Variants in TMEM217 observed in about 807,000 individuals in gnomAD.
TMEM217 encodes the protein transmembrane protein 217, also known as chromosome 6 open reading frame 128.
For missense variants in TMEM217, 204 were observed against 248.8 expected (o/e 0.82, Z 1.21); for synonymous variants, 76 against 88.3 (o/e 0.86, Z 0.78).
intron 1 of TMEM217, among the ~76,000 whole-genome samples, chr6:37,239,637 A>G (rs1039770280): frequency 2.6e-5 from 4 of 152,192 alleles, no homozygotes; most frequent in African/African-American, 9.6e-5. Context: ...CAATCATGGT[A>G]AGAACTTTTT....
intron 1 of TMEM217, among the ~76,000 whole-genome samples, chr6:37,239,776 A>G (rs1764672318): frequency 1.3e-5 from 2 of 152,014 alleles, no homozygotes; most frequent in Admixed American, 1.3e-4. Context: ...ACACATTATA[A>G]AGCTTTAGAG....
exon 4 of TMEM217, chr6:37,212,184 G>A: frequency 6.7e-6 from 2 of 300,088 alleles, no homozygotes; most frequent in South Asian, 5.9e-5. Flanking sequence ...CCAGTGAGAT[G>A]GTTAAGTAAG....
chr6:37,215,094 T>A (rs1474994688), downstream of TMEM217: 1 of 1,483,440 alleles, frequency 6.7e-7, no homozygotes, highest in Non-Finnish European at 9.1e-7. Flanking sequence ...AGCCTTGGTC[T>A]CCACCCTCGG....
At chr6:37,229,345 T>TTG (rs1764050313) in intron 1 of TMEM217, among the ~76,000 whole-genome samples, 3 of 128,698 alleles carry the variant, frequency 2.3e-5, no homozygotes, top group Non-Finnish European at 4.9e-5. Context: ...GTTTTTTTTT[T>TTG]TTTTTTTTTT....
At chr6:37,253,552 G>T (rs1203845484) in intron 1 of TMEM217, among the ~76,000 whole-genome samples, 1 of 152,072 alleles carries the variant, frequency 6.6e-6, no homozygotes. Flanking sequence ...ATACTATAAA[G>T]CTCTCTTGCT....
exon 1 of TMEM217, chr6:37,257,730 C>T (rs575423170): frequency 1.6e-4 from 99 of 606,804 alleles, no homozygotes; most frequent in Non-Finnish European, 2.4e-4. Context: ...CCACGGCTTG[C>T]GCAGCTCACC....
At chr6:37,218,242 T>A (rs1763326737) in exon 2 of TMEM217, 1 of 1,316,018 alleles carries the variant, frequency 7.6e-7, no homozygotes, top group Non-Finnish European at 9.9e-7. Context: ...CAATCTCGGC[T>A]CACTGCAACC....
chr6:37,216,375 G>A (rs1443785475), downstream of TMEM217, among the ~76,000 whole-genome samples: 2 of 152,158 alleles, frequency 1.3e-5, no homozygotes, highest in East Asian at 1.9e-4. Context: ...CCCTGCGCCT[G>A]GCCCGATTTG....
chr6:37,226,518 C>T (rs188956325), intron 1 of TMEM217, among the ~76,000 whole-genome samples: 3 of 151,386 alleles, frequency 2.0e-5, no homozygotes, highest in Admixed American at 6.6e-5. Flanking sequence ...AGGATGGTCT[C>T]GATCTCCTGA....
chr6:37,231,266 C>T (rs1029051345), intron 1 of TMEM217, among the ~76,000 whole-genome samples: 1 of 130,516 alleles, frequency 7.7e-6, no homozygotes, highest in Non-Finnish European at 1.6e-5. Flanking sequence ...AACGGGCTTT[C>T]ACCACGTTGG....
chr6:37,253,997 A>AG (rs1479041927), intron 1 of TMEM217, among the ~76,000 whole-genome samples: 4 of 152,114 alleles, frequency 2.6e-5, no homozygotes, highest in African/African-American at 9.7e-5. Flanking sequence ...GATGAAGTTG[A>AG]GGGGGGGAAA....
chr6:37,250,538 T>C (rs1765343178), intron 1 of TMEM217, among the ~76,000 whole-genome samples: 1 of 152,250 alleles, frequency 6.6e-6, no homozygotes, highest in African/African-American at 2.4e-5. Flanking sequence ...CAACATTTAG[T>C]AAAGTGGAAG....
At chr6:37,220,907 A>G (rs1328201472) in intron 1 of TMEM217, among the ~76,000 whole-genome samples, 1 of 152,102 alleles carries the variant, frequency 6.6e-6, no homozygotes, top group South Asian at 2.1e-4. Context: ...TTTTACTTTT[A>G]TTATAGTATA....
chr6:37,212,868 A>G, downstream of TMEM217: 1 of 1,458,406 alleles, frequency 6.9e-7, no homozygotes, highest in Non-Finnish European at 9.4e-7. Context: ...ACTTGGCCTC[A>G]TAGCAAATGT....
intron 1 of TMEM217, among the ~76,000 whole-genome samples, chr6:37,238,798 G>A (rs1764617253): frequency 6.6e-6 from 1 of 152,204 alleles, no homozygotes; most frequent in African/African-American, 2.4e-5. Flanking sequence ...TACTCTTGAG[G>A]TTGAGTATTC....
At chr6:37,214,402 A>C (rs943794387), downstream of TMEM217, among the ~76,000 whole-genome samples, 3 of 152,060 alleles carry the variant, frequency 2.0e-5, no homozygotes, top group African/African-American at 7.2e-5. Context: ...TAATTTTTGT[A>C]TTTTTAGTAG....
Position 37,234,249 on chromosome 6 carries a change from G to A in TMEM217, c.-11-15208C>T, listed in dbSNP as rs370086075. Among the ~76,000 whole-genome samples the A allele has an allele frequency of 6.2e-4, 95 of 152,032 alleles. 2 individuals carry two copies. The South Asian group carries it at 0.017, about 28-fold the overall frequency. ...CAAGTAGCTGGGATTACAGGCATGC[G>A]CCACCACACCCAGCTAACTTTTGTA... On this transcript the variant is annotated intron_variant, in intron 1 of 1. Transcript: ENST00000357219.
downstream of TMEM217, among the ~76,000 whole-genome samples, chr6:37,216,339 A>G (rs1763203710): frequency 6.6e-6 from 1 of 152,088 alleles, no homozygotes; most frequent in Admixed American, 6.6e-5. Context: ...TTGGCCTCCA[A>G]AAGTATTGGG....
At chr6:37,257,518 C>A (rs1765824723) in intron 1 of TMEM217, 50 bp downstream of exon 1, 1 of 207,654 alleles carries the variant, frequency 4.8e-6, no homozygotes, top group Non-Finnish European at 9.9e-6. Flanking sequence ...AACTTCATTC[C>A]TCACGAAGAA....
Sources: allele counts gnomAD v4.1 joint callset (sites outside exome capture counted in the v4.1 genomes callset), GRCh38; gene constraint gnomAD v4.1.1; transcripts MANE v1.5; gene names NCBI Gene and HGNC (gene_info 2026-07-23, HGNC 2026-07-21).